TSPAN1: variants seen among roughly 807,000 people sequenced by gnomAD.
TSPAN1 encodes tetraspanin-1.
Under a neutral mutation model 26.9 loss-of-function variants are expected in TSPAN1, and 23 were observed. That is an observed-to-expected ratio of 0.85 (90% CI 0.62 to 1.21). TSPAN1 has a LOEUF of 1.21. Among genes scored for constraint, TSPAN1 ranks in the 50% most tolerant of loss-of-function variants. The pLI is 0.00. For missense variants in TSPAN1, 283 were observed against 298.4 expected, an observed-to-expected ratio of 0.95 and a Z score of 0.38; for synonymous variants, 115 against 114.8, an observed-to-expected ratio of 1.00 and a Z score of -0.01.
the TSPAN1 span, chr1:46,195,903 C>A: frequency 2.0e-5 from 32 of 1,613,908 alleles, no homozygotes; most frequent in Non-Finnish European, 2.6e-5. Flanking sequence ...GTGTCAAACA[C>A]ACGTTTTGCC....
At chr1:46,193,215 G>A in the TSPAN1 span, 1 of 1,614,198 alleles carries the variant, frequency 6.2e-7, no homozygotes, top group Non-Finnish European at 8.5e-7. Flanking sequence ...GCCTTGTAGT[G>A]CTGGGAGTGG....
Position 46,175,715 on chromosome 1 carries a change from C to T in TSPAN1, c.-142+306C>T, listed in dbSNP as rs373279560. 118 of 400,542 alleles carry T rather than the reference C, an allele frequency of 2.9e-4. 7 individuals are homozygous for T. In the South Asian group the frequency reaches 0.014, roughly 48 times the overall value. 24.8% of individuals were successfully genotyped at this position (400,542 alleles called of 1,614,324 possible). On this transcript the variant is annotated intron_variant, in intron 1 of 8. Transcript: ENST00000372003. ...CTCTTGGATTCAGCCCCTCCCCAAA[C>T]CCTCTGCTTCCAGCCAATCCATCCT...
intron 3 of TSPAN1, among the ~76,000 whole-genome samples, chr1:46,182,318 G>T (rs375565001): frequency 4.7e-4 from 3 of 6,438 alleles, no homozygotes; most frequent in Admixed American, 4.6e-3. Flanking sequence ...AAAAAAAAAA[G>T]CCACTGTGAA....
rs1657174457 is a variant in TSPAN1 at position 46,176,539 on chromosome 1, C to T, written c.-142+1130C>T. The T allele has an allele frequency of 6.6e-6, 10 of 1,508,652 alleles. No homozygotes were observed. In the South Asian group the frequency reaches 1.2e-4, roughly 19 times the overall value. The allele number at this position is 1,508,652 out of a possible 1,614,324, so 93.5% of individuals were successfully genotyped here. A position where few individuals can be genotyped will look rare whatever the true frequency, so the allele number is the denominator to read the frequency against. ...GCCAGGGTAGCTGAGGCCTCTATGA[C>T]ATACAAAGTCTGCATAAGGGCAGGG... On this transcript the variant is annotated intron_variant, in intron 1 of 8. Coordinates refer to ENST00000372003, the MANE Select transcript of TSPAN1 (RefSeq NM_005727.4).
intron 1 of TSPAN1, among the ~76,000 whole-genome samples, chr1:46,176,690 A>G (rs901918467): frequency 1.3e-5 from 2 of 152,252 alleles, no homozygotes; most frequent in Non-Finnish European, 2.9e-5. Context: ...CCCCTTGGGA[A>G]AAGAGGCCCT....
downstream of TSPAN1, chr1:46,190,544 G>C: frequency 6.3e-7 from 1 of 1,587,482 alleles, no homozygotes; most frequent in South Asian, 1.1e-5. Context: ...AATGGGTCAG[G>C]GGAGTGGGCA....
the TSPAN1 span, chr1:46,193,917 G>T: frequency 4.7e-5 from 76 of 1,614,038 alleles, no homozygotes; most frequent in Non-Finnish European, 5.4e-5. Flanking sequence ...GGACCTTGTT[G>T]TCTGGGAGCT....
downstream of TSPAN1, chr1:46,189,259 TGGA>T (rs780919404): frequency 1.9e-6 from 3 of 1,612,570 alleles, no homozygotes; most frequent in Non-Finnish European, 2.5e-6. Context: ...CGCAGGGTCC[TGGA>T]GGAGGTCTCA....
At chr1:46,189,853 C>T (rs2148166435), downstream of TSPAN1, 2 of 1,613,780 alleles carry the variant, frequency 1.2e-6, no homozygotes, top group Non-Finnish European at 1.7e-6. Context: ...TATTGGAGCA[C>T]CTTGGCAAGC....
chr1:46,188,828 G>A (rs905017022), downstream of TSPAN1: 18 of 1,612,938 alleles, frequency 1.1e-5, no homozygotes, highest in Non-Finnish European at 1.5e-5. Flanking sequence ...AGCTGGGCCT[G>A]TCCATGGGTT....
At chr1:46,187,766 A>G (rs1365453818), downstream of TSPAN1, among the ~76,000 whole-genome samples, 1 of 152,206 alleles carries the variant, frequency 6.6e-6, no homozygotes, top group Non-Finnish European at 1.5e-5. Flanking sequence ...CTCAGGCACT[A>G]TATCCAGCTC....
At chr1:46,186,656 A>G (rs1259973585), downstream of TSPAN1, among the ~76,000 whole-genome samples, 4 of 82,604 alleles carry the variant, frequency 4.8e-5, no homozygotes, top group Non-Finnish European at 9.8e-5. Flanking sequence ...TGCCCGGCTA[A>G]TTTTTGTGTT....
the TSPAN1 span, chr1:46,191,391 T>C: frequency 0.11 from 20,623 of 186,226 alleles, 1,555 homozygotes; most frequent in South Asian, 0.16. Context: ...AGGACTTCCC[T>C]GTTCTCCTCA....
the TSPAN1 span, chr1:46,196,030 A>G: frequency 6.2e-7 from 1 of 1,614,010 alleles, no homozygotes; most frequent in Non-Finnish European, 8.5e-7. The surrounding 1 kb of genome is among the most constrained non-coding windows in gnomAD (Gnocchi z 4.4). Context: ...GGTTGAGGAC[A>G]ATGACATGGA....
chr1:46,188,698 CT>C (rs1179726772), downstream of TSPAN1: 6 of 1,596,740 alleles, frequency 3.8e-6, no homozygotes, highest in South Asian at 1.1e-5. Flanking sequence ...AGGGCTTCTC[CT>C]TTTTTAATCA....
downstream of TSPAN1, among the ~76,000 whole-genome samples, chr1:46,188,384 G>C (rs1657489375): frequency 6.6e-6 from 1 of 152,194 alleles, no homozygotes; most frequent in African/African-American, 2.4e-5. Flanking sequence ...TCTGGGGACA[G>C]GTGCCCGGCC....
chr1:46,193,903 T>C, the TSPAN1 span: 113 of 1,614,152 alleles, frequency 7.0e-5, 1 homozygote, highest in South Asian at 5.3e-4. Flanking sequence ...CACAGGCACA[T>C]TGAGGACCTT....
chr1:46,193,977 A>T, the TSPAN1 span: 4 of 1,606,624 alleles, frequency 2.5e-6, no homozygotes, highest in African/African-American at 2.7e-5. Context: ...TCAAACTGGG[A>T]TCCCCACCTA....
rs143584741 is a variant in TSPAN1, at chr1:46,184,323, G to C, written c.190G>C (p.Gly64Arg). Residue 64 changes from glycine (G) to arginine (R), a missense_variant, in exon 4 of 9, where the codon GGC (glycine) becomes CGC (arginine). By Grantham distance (125) the Gly-to-Arg change is moderately radical. Transcript: ENST00000372003. ...CGTGGGCTACTTCCTCATCGCAGCC[G>C]GCGTTGTGGTCTTTGCTCTTGGTTT... is the stretch of plus-strand genomic sequence containing the variant. ...VNVGYFLIAA[G>R]VVVFALGFLG... is the part of the protein sequence containing the mutation. The C allele has an allele frequency of 6.2e-7, 1 of 1,614,044 alleles. No individual in the cohort carries two copies. Among genetic ancestry groups the C allele is most frequent in the African/African-American group, 1.3e-5 (1 of 74,906 alleles).
Sources: allele counts gnomAD v4.1 joint callset (sites outside exome capture counted in the v4.1 genomes callset), GRCh38; gene constraint gnomAD v4.1.1; non-coding constraint Gnocchi (gnomAD v3.1); transcripts MANE v1.5; gene names NCBI Gene and HGNC (gene_info 2026-07-23, HGNC 2026-07-21).